EYS: variants seen among roughly 807,000 people sequenced by gnomAD.
EYS encodes EGF-like photoreceptor maintenance factor.
EYS carries 250 observed loss-of-function variants against 282.1 expected under a neutral mutation model. That is an observed-to-expected ratio of 0.89 (90% confidence interval 0.80 to 0.98). The LOEUF (loss-of-function observed/expected upper bound fraction) is 0.98, where lower values mean the gene tolerates loss of function less well. EYS is among the 50% of genes least tolerant of loss of function. EYS has a pLI of 0.00. For synonymous variants in EYS, 1,355 were observed against 1,282.9 expected (o/e 1.06, Z -1.20); for missense variants, 4,016 against 3,709.0 (o/e 1.08, Z -2.15).
chr6:64,056,132 C>T (rs779834422), intron 33 of EYS, among the ~76,000 whole-genome samples: 6 of 152,134 alleles, frequency 3.9e-5, no homozygotes, highest in Non-Finnish European at 8.8e-5. Flanking sequence ...TGCCTCTGTT[C>T]GCTCCTGTTT....
intron 26 of EYS, among the ~76,000 whole-genome samples, chr6:64,541,508 G>A (rs1183421595): frequency 1.3e-5 from 2 of 151,900 alleles, no homozygotes; most frequent in East Asian, 3.9e-4. Flanking sequence ...TAATATTTCT[G>A]ATTTGTCAGT....
chr6:64,033,818 A>G (rs1455346558), intron 33 of EYS, among the ~76,000 whole-genome samples: 1 of 144,126 alleles, frequency 6.9e-6, no homozygotes, highest in Admixed American at 7.1e-5. Context: ...TTCTGACACA[A>G]ATGAGATTAC....
At position 64,296,583 on chromosome 6, in the gene EYS, TACATATATATA is replaced by T. The variant is rs1769021857; in HGVS notation, c.6191+10376_6191+10386del. On this transcript the variant is annotated intron_variant, in intron 30 of 42. Transcript: ENST00000503581. Reference sequence around the variant, plus strand: ...ATATATATATATATATATATATATATACATATATATATATATTTTTTTTTTTTTTTTTTTTT... The same window carrying T: ...ATATATATATATATATATATATATATTATATTTTTTTTTTTTTTTTTTTTT... Among the ~76,000 whole-genome samples, 3 of 7,738 alleles carry T rather than the reference TACATATATATA, an allele frequency of 3.9e-4. 1 individual carries two copies. The highest frequency in any genetic ancestry group is 3.0e-3 in the Admixed American group (2 of 674). The allele number at this position is 7,738 out of a possible 152,430, so 5.1% of individuals were successfully genotyped here. A position where few individuals can be genotyped will look rare whatever the true frequency, so the allele number is the denominator to read the frequency against.
At chr6:65,517,274 A>G (rs1428141974) in intron 2 of EYS, among the ~76,000 whole-genome samples, 4 of 151,432 alleles carry the variant, frequency 2.6e-5, no homozygotes, top group African/African-American at 9.7e-5. Context: ...TTTCTGTCCC[A>G]TTTTTTAAAT....
At chr6:65,675,421 A>AC (rs1413971445) in intron 1 of EYS, among the ~76,000 whole-genome samples, 1 of 151,938 alleles carries the variant, frequency 6.6e-6, no homozygotes, top group Non-Finnish European at 1.5e-5. Context: ...GAAAGGATGA[A>AC]AAAAAGATAT....
intron 36 of EYS, among the ~76,000 whole-genome samples, chr6:63,834,311 T>A (rs1263398831): frequency 1.3e-5 from 2 of 152,070 alleles, no homozygotes; most frequent in Non-Finnish European, 2.9e-5. Context: ...AATCTACCCA[T>A]GTGACAAGGG....
chr6:64,793,199 T>C (rs1044321474), intron 22 of EYS, among the ~76,000 whole-genome samples: 1 of 152,130 alleles, frequency 6.6e-6, no homozygotes, highest in Non-Finnish European at 1.5e-5. Context: ...TCAATAACTA[T>C]GTAAATGGCT....
intron 29 of EYS, among the ~76,000 whole-genome samples, chr6:64,351,527 C>T (rs144746608): frequency 4.8e-4 from 72 of 151,298 alleles, no homozygotes; most frequent in African/African-American, 1.6e-3. Flanking sequence ...TATGACTATC[C>T]GCCTATAGAT....
intron 8 of EYS, among the ~76,000 whole-genome samples, chr6:65,382,502 T>TGTGC (rs1468660894): frequency 7.3e-5 from 11 of 150,444 alleles, no homozygotes; most frequent in African/African-American, 1.7e-4. Flanking sequence ...TGTGTGTGTG[T>TGTGC]GCTCTTCTAG....
At chr6:64,176,504 T>A (rs1338596102) in intron 31 of EYS, among the ~76,000 whole-genome samples, 1 of 147,328 alleles carries the variant, frequency 6.8e-6, no homozygotes, top group African/African-American at 2.7e-5. Flanking sequence ...CACGATTGTG[T>A]GTGTGTGTGT....
chr6:64,455,122 G>T (rs1006079192), intron 26 of EYS, among the ~76,000 whole-genome samples: 1 of 151,958 alleles, frequency 6.6e-6, no homozygotes, highest in Non-Finnish European at 1.5e-5. Flanking sequence ...ATGTTACCCA[G>T]GCTGATGTTG....
chr6:65,256,094 C>A (rs1461435348), intron 12 of EYS, among the ~76,000 whole-genome samples: 2 of 151,926 alleles, frequency 1.3e-5, no homozygotes, highest in Non-Finnish European at 2.9e-5. Flanking sequence ...TTGGAAGCAA[C>A]CTGCATGTCC....
At chr6:64,345,754 G>A (rs1161307180) in intron 29 of EYS, among the ~76,000 whole-genome samples, 2 of 152,102 alleles carry the variant, frequency 1.3e-5, no homozygotes, top group Admixed American at 1.3e-4. Flanking sequence ...TACCATCAGA[G>A]TGAACAGGCA....
intron 22 of EYS, among the ~76,000 whole-genome samples, chr6:64,773,673 T>G (rs1419210125): frequency 6.6e-6 from 1 of 151,948 alleles, no homozygotes; most frequent in Non-Finnish European, 1.5e-5. Flanking sequence ...TCTTTCTGAC[T>G]GTTGTGAGAT....
intron 33 of EYS, among the ~76,000 whole-genome samples, chr6:64,018,499 T>C (rs938904138): frequency 1.3e-5 from 2 of 152,196 alleles, no homozygotes; most frequent in Non-Finnish European, 2.9e-5. Flanking sequence ...TTTGCAATTA[T>C]ACAGCCGAAT....
intron 13 of EYS, among the ~76,000 whole-genome samples, chr6:65,019,561 T>C (rs1772177960): frequency 6.6e-6 from 1 of 152,164 alleles, no homozygotes; most frequent in African/African-American, 2.4e-5. Context: ...TAGTACAAAA[T>C]AAATGACATA....
At chr6:64,659,570 C>T (rs1309606937) in intron 22 of EYS, among the ~76,000 whole-genome samples, 1 of 152,044 alleles carries the variant, frequency 6.6e-6, no homozygotes, top group African/African-American at 2.4e-5. Flanking sequence ...ACCGATCCCA[C>T]AGAAATACAA....
intron 26 of EYS, among the ~76,000 whole-genome samples, chr6:64,469,065 T>C (rs999557428): frequency 6.6e-6 from 1 of 152,210 alleles, no homozygotes; most frequent in Non-Finnish European, 1.5e-5. Flanking sequence ...CTTTGAGAAA[T>C]TGCCAAACTG....
chr6:64,557,942 C>T (rs922646663), intron 26 of EYS, among the ~76,000 whole-genome samples: 1 of 152,066 alleles, frequency 6.6e-6, no homozygotes, highest in African/African-American at 2.4e-5. Context: ...TGTTCTTTTA[C>T]AGACCTGTCA....
Sources: allele counts gnomAD v4.1 joint callset (sites outside exome capture counted in the v4.1 genomes callset), GRCh38; gene constraint gnomAD v4.1.1; transcripts MANE v1.5; gene names NCBI Gene and HGNC (gene_info 2026-07-23, HGNC 2026-07-21).